Variants in PRICKLE2 observed in about 807,000 individuals in gnomAD.
PRICKLE2 encodes the protein prickle-like protein 2.
PRICKLE2 carries 21 observed loss-of-function variants against 81.4 expected under a neutral mutation model. That is an observed-to-expected ratio of 0.26 (90% CI 0.18 to 0.37). The LOEUF (loss-of-function observed/expected upper bound fraction) is 0.37. Among genes scored for constraint, PRICKLE2 ranks in the 10% least tolerant of loss-of-function variants. The pLI, the probability that PRICKLE2 is intolerant of heterozygous loss-of-function variation, is 1.00. For missense variants in PRICKLE2, 940 were observed against 1,109.0 expected (o/e 0.85, Z 2.16); for synonymous variants, 456 against 421.5 (o/e 1.08, Z -1.00).
chr3:64,204,502 G>A (rs532550821), intron 1 of PRICKLE2, among the ~76,000 whole-genome samples: 40 of 151,988 alleles, frequency 2.6e-4, no homozygotes, highest in African/African-American at 9.4e-4. Flanking sequence ...GACCACTGAA[G>A]CAAAAAGTTA....
At chr3:64,144,395 G>A (rs2077410868) in intron 7 of PRICKLE2, among the ~76,000 whole-genome samples, 1 of 152,226 alleles carries the variant, frequency 6.6e-6, no homozygotes, top group Non-Finnish European at 1.5e-5. Flanking sequence ...AATTAAGCAA[G>A]CTAATATTTA....
intron 2 of PRICKLE2, among the ~76,000 whole-genome samples, chr3:64,164,436 T>G (rs1161428965): frequency 6.6e-6 from 1 of 152,206 alleles, no homozygotes. Context: ...GCCGTGGGTA[T>G]GAACACATGT....
intron 7 of PRICKLE2, among the ~76,000 whole-genome samples, chr3:64,115,800 T>A (rs1575554098): frequency 6.6e-6 from 1 of 151,860 alleles, no homozygotes; most frequent in African/African-American, 2.4e-5. Context: ...CAAGAAAAAA[T>A]TAACAAAGAT....
At chr3:64,183,837 C>A (rs1278579194) in intron 2 of PRICKLE2, among the ~76,000 whole-genome samples, 1 of 152,190 alleles carries the variant, frequency 6.6e-6, no homozygotes, top group Non-Finnish European at 1.5e-5. Context: ...TGATCCATGA[C>A]TTTTTCTGCA....
chr3:64,136,215 G>A (rs1287727855), intron 7 of PRICKLE2, among the ~76,000 whole-genome samples: 1 of 151,876 alleles, frequency 6.6e-6, no homozygotes, highest in Non-Finnish European at 1.5e-5. Context: ...CTAGACTCAG[G>A]GCTAAGAGAA....
intron 2 of PRICKLE2, among the ~76,000 whole-genome samples, chr3:64,171,008 C>T (rs763226579): frequency 6.6e-6 from 1 of 152,238 alleles, no homozygotes; most frequent in Non-Finnish European, 1.5e-5. Flanking sequence ...CCACTCCTTA[C>T]AACCTGGCTG....
intron 1 of PRICKLE2, chr3:64,199,378 AT>A (rs2078526104): frequency 1.9e-5 from 4 of 207,386 alleles, no homozygotes; most frequent in Non-Finnish European, 3.9e-5. Context: ...TTACTTGTAG[AT>A]TTAACAAATA....
intron 2 of PRICKLE2, among the ~76,000 whole-genome samples, chr3:64,198,517 T>C (rs1250775992): frequency 6.6e-6 from 1 of 152,090 alleles, no homozygotes; most frequent in African/African-American, 2.4e-5. Context: ...CTGAGAAAAA[T>C]GTGGTACACC....
chr3:64,134,235 G>A (rs2077242302), intron 7 of PRICKLE2, among the ~76,000 whole-genome samples: 1 of 152,092 alleles, frequency 6.6e-6, no homozygotes, highest in African/African-American at 2.4e-5. Flanking sequence ...AGGTCAACTG[G>A]GCCCTTAAAC....
At chr3:64,241,264 C>T (rs913876475) in intron 2 of PRICKLE2, among the ~76,000 whole-genome samples, 1 of 152,174 alleles carries the variant, frequency 6.6e-6, no homozygotes, top group African/African-American at 2.4e-5. Context: ...GCTCAAGCTC[C>T]TAGGAGGCAG....
At chr3:64,112,156 C>A (rs1466741561) in intron 7 of PRICKLE2, among the ~76,000 whole-genome samples, 1 of 152,084 alleles carries the variant, frequency 6.6e-6, no homozygotes, top group Admixed American at 6.5e-5. Flanking sequence ...TACACCAGGA[C>A]CTTTATCACC....
chr3:64,211,512 G>T (rs562190744), intron 1 of PRICKLE2, among the ~76,000 whole-genome samples: 10 of 152,178 alleles, frequency 6.6e-5, no homozygotes, highest in Non-Finnish European at 1.5e-4. Context: ...TTTATTCTCA[G>T]ATGGTTCAAC....
Position 64,099,546 on chromosome 3 carries a change from G to T in PRICKLE2, c.2040C>A (p.Arg680=). The change falls in exon 8 of 8, where the codon CGC becomes CGA. Residue 680 remains arginine, a synonymous_variant. Coordinates refer to ENST00000638394, the MANE Select transcript of PRICKLE2 (RefSeq NM_198859.4). This position sits in a 1 kb window ranked among gnomAD's most constrained non-coding sequence, Gnocchi z 4.3. ...GCCTGGACCTGTGAGGTCGGAAACG[G>T]CGGTTGTCGTCGCGTGAAGTAGCTC... The part of the protein sequence containing the change: ...RRRATSRDDN[R]RFRPHRSRRS... 1 of 1,609,094 alleles carries T rather than the reference G, an allele frequency of 6.2e-7. No homozygotes were observed. The highest frequency in any genetic ancestry group is 1.7e-4 in the Middle Eastern group (1 of 6,054).
chr3:64,101,825 G>A (rs2076668574), intron 7 of PRICKLE2: 1 of 151,542 alleles, frequency 6.6e-6, no homozygotes, highest in South Asian at 2.1e-4. Context: ...AATTTGATGG[G>A]GGAGAGCATT....
At chr3:64,149,778 G>C (rs1056881045) in intron 6 of PRICKLE2, among the ~76,000 whole-genome samples, 2 of 152,250 alleles carry the variant, frequency 1.3e-5, no homozygotes, top group Non-Finnish European at 2.9e-5. Context: ...TGTCAATGGA[G>C]CCCAGGGAGA....
chr3:64,155,214 T>A (rs1311385760), intron 5 of PRICKLE2, among the ~76,000 whole-genome samples: 5 of 144,914 alleles, frequency 3.5e-5, no homozygotes, highest in East Asian at 4.1e-4. Flanking sequence ...AAATTTAAAT[T>A]AAAAAAATTT....
intron 2 of PRICKLE2, chr3:64,198,582 A>C: frequency 1.5e-6 from 1 of 646,820 alleles, no homozygotes. Flanking sequence ...ATACAGAATG[A>C]ATTAGCAATG....
chr3:64,172,928 T>A (rs2077958146), intron 2 of PRICKLE2, among the ~76,000 whole-genome samples: 1 of 152,178 alleles, frequency 6.6e-6, no homozygotes, highest in South Asian at 2.1e-4. Flanking sequence ...CCTGCTGACA[T>A]CTTGATCTTG....
chr3:64,193,741 C>A (rs934249264), intron 2 of PRICKLE2, among the ~76,000 whole-genome samples: 1 of 152,088 alleles, frequency 6.6e-6, no homozygotes, highest in African/African-American at 2.4e-5. Context: ...ATGATGGCCT[C>A]GTGATAGTAA....
Sources: allele counts gnomAD v4.1 joint callset (sites outside exome capture counted in the v4.1 genomes callset), GRCh38; gene constraint gnomAD v4.1.1; non-coding constraint Gnocchi (gnomAD v3.1); transcripts MANE v1.5; gene names NCBI Gene and HGNC (gene_info 2026-07-23, HGNC 2026-07-21).